Variants in SGCZ observed in about 807,000 individuals in gnomAD.
SGCZ encodes the protein zeta-sarcoglycan.
SGCZ carries 40 observed loss-of-function variants against 41.3 expected under a neutral mutation model. The observed-to-expected ratio is 0.97, with a 90% CI of 0.75 to 1.26. SGCZ has a LOEUF of 1.26. Among genes scored for constraint, SGCZ ranks in the 50% most tolerant of loss-of-function variants. The pLI is 0.00. For synonymous variants in SGCZ, 206 were observed against 137.5 expected (o/e 1.50, Z -3.49); for missense variants, 552 against 369.8 (o/e 1.49, Z -4.04).
At chr8:14,278,377 A>G (rs529293421) in intron 3 of SGCZ, among the ~76,000 whole-genome samples, 24 of 152,122 alleles carry the variant, frequency 1.6e-4, no homozygotes, top group Non-Finnish European at 2.6e-4. Context: ...AACCGTGTAT[A>G]GTCACAACAT....
chr8:15,097,297 C>A (rs1417579306), intron 1 of SGCZ, among the ~76,000 whole-genome samples: 5 of 152,080 alleles, frequency 3.3e-5, no homozygotes, highest in Admixed American at 3.3e-4. Context: ...TATATTTACT[C>A]TAATGCAAAA....
At chr8:14,498,137 T>A (rs1802045659) in intron 2 of SGCZ, among the ~76,000 whole-genome samples, 2 of 152,198 alleles carry the variant, frequency 1.3e-5, no homozygotes, top group Non-Finnish European at 2.9e-5. Flanking sequence ...TTGATTTGAA[T>A]GTCAATAATA....
chr8:14,398,300 G>C (rs890434724), intron 2 of SGCZ, among the ~76,000 whole-genome samples: 1 of 152,076 alleles, frequency 6.6e-6, no homozygotes, highest in South Asian at 2.1e-4. Flanking sequence ...CTATTCCTTA[G>C]CAACATTGCT....
chr8:14,674,026 T>C (rs1367417502), intron 1 of SGCZ, among the ~76,000 whole-genome samples: 1 of 152,164 alleles, frequency 6.6e-6, no homozygotes, highest in Non-Finnish European at 1.5e-5. Flanking sequence ...ACAAGATAAA[T>C]ACTAATTTGG....
At position 15,176,776 on chromosome 8, in the gene SGCZ, C is replaced by T. The variant is rs190491899; in HGVS notation, c.39+60809G>A. 3.9e-5 allele frequency among the ~76,000 whole-genome samples: 6 copies of T among 152,186 alleles called. No homozygotes were observed. In the East Asian group the frequency reaches 9.7e-4, roughly 25 times the overall value. ...CAGCACTTTGGGAGGCCGAGGTGGG[C>T]GGATCACAAGGTCAGGAGATCGAGA... On this transcript the variant is annotated intron_variant, in intron 1 of 7. Transcript: ENST00000382080.
chr8:14,691,802 C>T (rs893430219), intron 1 of SGCZ, among the ~76,000 whole-genome samples: 11 of 151,362 alleles, frequency 7.3e-5, no homozygotes, highest in African/African-American at 2.4e-4. Flanking sequence ...TTTTTTTTGC[C>T]GTAATAAAAA....
At chr8:15,060,101 G>C (rs1304649846) in intron 1 of SGCZ, among the ~76,000 whole-genome samples, 1 of 152,056 alleles carries the variant, frequency 6.6e-6, no homozygotes, top group Non-Finnish European at 1.5e-5. Flanking sequence ...CATTGTGGAA[G>C]TCAATGTGGT....
intron 1 of SGCZ, among the ~76,000 whole-genome samples, chr8:14,817,413 G>T (rs1801940863): frequency 6.6e-6 from 1 of 152,068 alleles, no homozygotes; most frequent in Non-Finnish European, 1.5e-5. Context: ...AGTAGCCAGG[G>T]GCTGCATCGC....
At chr8:14,630,366 A>G (rs1460635295) in intron 1 of SGCZ, among the ~76,000 whole-genome samples, 2 of 152,008 alleles carry the variant, frequency 1.3e-5, no homozygotes, top group Non-Finnish European at 2.9e-5. Flanking sequence ...CTTGGCTCTC[A>G]GGATTGGCTG....
At chr8:14,599,665 C>T (rs1177361996) in intron 1 of SGCZ, among the ~76,000 whole-genome samples, 2 of 152,128 alleles carry the variant, frequency 1.3e-5, no homozygotes, top group African/African-American at 4.8e-5. Context: ...TCATCTATAC[C>T]CATAAATTCT....
intron 3 of SGCZ, among the ~76,000 whole-genome samples, chr8:14,247,748 C>A (rs576524935): frequency 1.4e-4 from 22 of 152,308 alleles, no homozygotes; most frequent in Admixed American, 3.9e-4. Context: ...GTTGCCCTCA[C>A]ACCAGCCCCA....
At chr8:14,956,500 G>A (rs752165060) in intron 1 of SGCZ, among the ~76,000 whole-genome samples, 3 of 151,416 alleles carry the variant, frequency 2.0e-5, no homozygotes, top group Non-Finnish European at 1.5e-5. Flanking sequence ...TTGCCTTCAG[G>A]TCTCAGACAA....
intron 1 of SGCZ, among the ~76,000 whole-genome samples, chr8:14,786,857 A>C (rs954938469): frequency 2.0e-5 from 3 of 151,236 alleles, no homozygotes; most frequent in East Asian, 1.9e-4. Flanking sequence ...AAAAACAAAA[A>C]ACACATAGAT....
chr8:14,942,112 A>G (rs757634457), intron 1 of SGCZ, among the ~76,000 whole-genome samples: 34 of 152,088 alleles, frequency 2.2e-4, no homozygotes, highest in Non-Finnish European at 3.8e-4. Context: ...GTTTCCCTAG[A>G]TACCTCTTAG....
chr8:15,127,271 C>A (rs962831481), intron 1 of SGCZ, among the ~76,000 whole-genome samples: 87 of 76,782 alleles, frequency 1.1e-3, no homozygotes, highest in Non-Finnish European at 1.5e-3. Context: ...AACACACACA[C>A]ACACACACAC....
At chr8:14,761,843 G>C (rs1208092836) in intron 1 of SGCZ, among the ~76,000 whole-genome samples, 1 of 152,034 alleles carries the variant, frequency 6.6e-6, no homozygotes, top group African/African-American at 2.4e-5. Flanking sequence ...CTGAATTGCA[G>C]ATGTTTCTAA....
intron 1 of SGCZ, among the ~76,000 whole-genome samples, chr8:14,932,103 C>T (rs1799938675): frequency 6.6e-6 from 1 of 151,692 alleles, no homozygotes; most frequent in Non-Finnish European, 1.5e-5. Flanking sequence ...TAGAATGTGA[C>T]ATATAAATTT....
intron 3 of SGCZ, among the ~76,000 whole-genome samples, chr8:14,239,635 T>C (rs1167508314): frequency 6.6e-6 from 1 of 152,028 alleles, no homozygotes; most frequent in African/African-American, 2.4e-5. Flanking sequence ...ATAAGAATTA[T>C]TTCACGCCTG....
intron 1 of SGCZ, among the ~76,000 whole-genome samples, chr8:15,204,505 A>C (rs1228077296): frequency 1.3e-5 from 2 of 152,162 alleles, no homozygotes; most frequent in Non-Finnish European, 2.9e-5. Context: ...CCTAAAAATG[A>C]CTCAAAATTT....
Sources: gnomAD v4.1 joint callset for allele counts (sites outside exome capture counted in the v4.1 genomes callset) on GRCh38, gnomAD v4.1.1 for gene constraint, MANE v1.5 for transcripts, NCBI Gene and HGNC (gene_info 2026-07-23, HGNC 2026-07-21) for gene names.